PPFIA1: variants seen among roughly 807,000 people sequenced by gnomAD.
PPFIA1 encodes the protein liprin-alpha-1.
Under a neutral mutation model 149.9 loss-of-function variants are expected in PPFIA1, and 25 were observed. The observed-to-expected ratio is 0.17, with a 90% CI of 0.12 to 0.23. The LOEUF (loss-of-function observed/expected upper bound fraction) is 0.23. Ranked by LOEUF, PPFIA1 falls within the 10% of genes least tolerant of loss-of-function variation. PPFIA1 has a pLI of 1.00. For synonymous variants in PPFIA1, 549 were observed against 552.8 expected (o/e 0.99, Z 0.10); for missense variants, 1,362 against 1,506.5 (o/e 0.90, Z 1.59).
At chr11:70,329,561 C>G (rs1374439074) in intron 7 of PPFIA1, among the ~76,000 whole-genome samples, 4 of 152,176 alleles carry the variant, frequency 2.6e-5, no homozygotes, top group Admixed American at 6.5e-5. Context: ...ATCCTCCTGT[C>G]TCAGACTCCC....
At chr11:70,325,626 C>G (rs764837125) in intron 5 of PPFIA1, 52 bp downstream of exon 5, 1 of 1,371,908 alleles carries the variant, frequency 7.3e-7, no homozygotes, top group Admixed American at 1.7e-5. Flanking sequence ...TATTTTTATC[C>G]TTTAATTATT....
intron 2 of PPFIA1, among the ~76,000 whole-genome samples, chr11:70,299,751 G>T (rs1438413001): frequency 6.6e-6 from 1 of 152,002 alleles, no homozygotes. Context: ...GCTCTGTCAG[G>T]GGTTTCTTTC....
chr11:70,351,189 A>C (rs1029440106), intron 16 of PPFIA1, among the ~76,000 whole-genome samples: 2 of 152,224 alleles, frequency 1.3e-5, no homozygotes, highest in African/African-American at 2.4e-5. Flanking sequence ...CAATTGTTCT[A>C]TTGGAAATTG....
intron 2 of PPFIA1, among the ~76,000 whole-genome samples, chr11:70,296,127 A>G (rs10898922): frequency 1 from 150,919 of 151,506 alleles, 75,170 homozygotes; most frequent in East Asian, 1. Context: ...ATGGGATGGC[A>G]GCCGGGAAGA....
chr11:70,287,716 T>C (rs2051242427), intron 2 of PPFIA1, among the ~76,000 whole-genome samples: 1 of 151,598 alleles, frequency 6.6e-6, no homozygotes, highest in Non-Finnish European at 1.5e-5. Flanking sequence ...CAATCACAGC[T>C]CACCGTATTC....
At chr11:70,318,129 G>C (rs1008959719) in intron 2 of PPFIA1, among the ~76,000 whole-genome samples, 1 of 152,058 alleles carries the variant, frequency 6.6e-6, no homozygotes, top group Non-Finnish European at 1.5e-5. Context: ...ACCCGCAGAG[G>C]CCCTAAGTGC....
intron 5 of PPFIA1, 31 bp downstream of exon 5, chr11:70,325,605 T>TGG (rs576943340): frequency 3.6e-6 from 5 of 1,393,180 alleles, no homozygotes; most frequent in South Asian, 3.5e-5. Context: ...TGAGTTGAAT[T>TGG]GGGGGGGGGT....
chr11:70,347,066 A>G (rs1313349978), intron 15 of PPFIA1, among the ~76,000 whole-genome samples: 1 of 152,190 alleles, frequency 6.6e-6, no homozygotes, highest in East Asian at 1.9e-4. Context: ...TAAACTAAAA[A>G]AAAGAACCAA....
intron 2 of PPFIA1, among the ~76,000 whole-genome samples, chr11:70,297,132 G>T (rs1169605661): frequency 6.6e-6 from 1 of 152,164 alleles, no homozygotes. Flanking sequence ...GAGAGGCCGG[G>T]CACGGTGGCT....
intron 21 of PPFIA1, among the ~76,000 whole-genome samples, chr11:70,369,034 C>A (rs1468000009): frequency 6.6e-6 from 1 of 151,966 alleles, no homozygotes; most frequent in Non-Finnish European, 1.5e-5. Flanking sequence ...AAGTGACCCG[C>A]CCACCTCTGC....
intron 2 of PPFIA1, among the ~76,000 whole-genome samples, chr11:70,299,743 T>A (rs2052348200): frequency 6.6e-6 from 1 of 151,908 alleles, no homozygotes; most frequent in Non-Finnish European, 1.5e-5. Context: ...ACTCAGAGGC[T>A]CTGTCAGGGG....
At chr11:70,299,094 C>T (rs1313494106) in intron 2 of PPFIA1, among the ~76,000 whole-genome samples, 1 of 152,008 alleles carries the variant, frequency 6.6e-6, no homozygotes, top group Admixed American at 6.6e-5. Flanking sequence ...CAAAAATTAG[C>T]CAAGCGTGGT....
chr11:70,297,044 A>T (rs2052100066), intron 2 of PPFIA1, among the ~76,000 whole-genome samples: 1 of 152,174 alleles, frequency 6.6e-6, no homozygotes, highest in Non-Finnish European at 1.5e-5. Flanking sequence ...TGAATGGGCT[A>T]AAGAAGTTTG....
chr11:70,326,100 A>G (rs925106197), intron 5 of PPFIA1, among the ~76,000 whole-genome samples, 162 bp from the exon 6 acceptor site: 1 of 152,184 alleles, frequency 6.6e-6, no homozygotes, highest in African/African-American at 2.4e-5. Context: ...TCCATCTTCA[A>G]TGATCTGGTT....
intron 16 of PPFIA1, chr11:70,351,108 T>C: frequency 1.4e-6 from 1 of 690,514 alleles, no homozygotes; most frequent in Non-Finnish European, 1.9e-6. Context: ...AATGTAGCAT[T>C]ATGTAGTTGT....
intron 16 of PPFIA1, among the ~76,000 whole-genome samples, chr11:70,349,725 A>G (rs1329948292): frequency 2.0e-5 from 3 of 152,104 alleles, no homozygotes; most frequent in East Asian, 1.9e-4. Flanking sequence ...TACATCATCT[A>G]CTAATTAGGT....
intron 2 of PPFIA1, among the ~76,000 whole-genome samples, chr11:70,295,726 G>A (rs1387796091): frequency 2.7e-5 from 4 of 149,360 alleles, no homozygotes; most frequent in East Asian, 2.1e-4. Flanking sequence ...GCGGCTGGCC[G>A]GGCAGGGGGC....
chr11:70,378,101 A>C lies in PPFIA1; in HGVS notation c.3456A>C (p.Leu1152Phe), dbSNP rs1277263770. ...TTAGACCAAAGGACATTCGTGGCTT[A>C]GCTGCTGGGTCAGCAGAGACTCTCC... is the stretch of plus-strand genomic sequence containing the variant. ...KKFRPKDIRG[L>F]AAGSAETLPA... The change falls in exon 26 of 28, where the codon TTA becomes TTC. Residue 1152 changes from leucine to phenylalanine, a missense_variant. By Grantham distance (22) the Leu-to-Phe change is conservative. Around this residue, in one of 7 missense-constraint regions of PPFIA1, gnomAD observed 349 missense variants for 373.3 expected, o/e 0.93. Coordinates refer to ENST00000253925, the MANE Select transcript of PPFIA1 (RefSeq NM_003626.5). The C allele has an allele frequency of 6.2e-7, 1 of 1,614,072 alleles. No homozygotes were observed. Among genetic ancestry groups the C allele is most frequent in the East Asian group, 2.2e-5 (1 of 44,892 alleles).
intron 2 of PPFIA1, among the ~76,000 whole-genome samples, chr11:70,277,406 T>C (rs1314748771): frequency 6.6e-6 from 1 of 152,144 alleles, no homozygotes; most frequent in African/African-American, 2.4e-5. Flanking sequence ...TTTAGATTTA[T>C]CCTCTTAGTT....
Sources: allele counts gnomAD v4.1 joint callset (sites outside exome capture counted in the v4.1 genomes callset), GRCh38; gene constraint gnomAD v4.1.1; regional missense constraint gnomAD v4.1.1; transcripts MANE v1.5; gene names NCBI Gene and HGNC (gene_info 2026-07-23, HGNC 2026-07-21).